Variants in NDFIP2 observed in about 807,000 individuals in gnomAD.
NDFIP2 encodes the protein Nedd4 family interacting protein 2.
A neutral mutation model predicts 36.0 loss-of-function variants in NDFIP2; 19 were observed. That is an observed-to-expected ratio of 0.53 (90% CI 0.37 to 0.77). The LOEUF (loss-of-function observed/expected upper bound fraction) is 0.77. Ranked by LOEUF, NDFIP2 falls within the 30% of genes least tolerant of loss-of-function variation. The pLI is 0.00. For missense variants in NDFIP2, 446 were observed against 435.8 expected (o/e 1.02, Z -0.21); for synonymous variants, 181 against 167.7 (o/e 1.08, Z -0.61).
chr13:79,497,771 C>T (rs1873494090), intron 1 of NDFIP2, among the ~76,000 whole-genome samples: 1 of 144,260 alleles, frequency 6.9e-6, no homozygotes, highest in Admixed American at 7.1e-5. Flanking sequence ...CTTCCATGCC[C>T]ATTTAAATCC....
At chr13:79,486,948 A>G (rs1006765226) in intron 1 of NDFIP2, among the ~76,000 whole-genome samples, 1 of 152,156 alleles carries the variant, frequency 6.6e-6, no homozygotes, top group African/African-American at 2.4e-5. Context: ...TTGTGTAAGT[A>G]CGCTCTCTGA....
intron 2 of NDFIP2, among the ~76,000 whole-genome samples, chr13:79,524,399 G>A (rs958687135): frequency 3.9e-5 from 6 of 152,164 alleles, no homozygotes; most frequent in Non-Finnish European, 2.9e-5. Flanking sequence ...GAATGTTACT[G>A]CATCAGCAAT....
At chr13:79,518,120 G>A (rs73551596) in intron 1 of NDFIP2, among the ~76,000 whole-genome samples, 10,160 of 152,158 alleles carry the variant, frequency 0.067, 712 homozygotes, top group African/African-American at 0.17. Context: ...ATTCTCCTGG[G>A]TACCATGTAG....
At chr13:79,503,628 G>T (rs1024275338) in intron 1 of NDFIP2, among the ~76,000 whole-genome samples, 1 of 152,176 alleles carries the variant, frequency 6.6e-6, no homozygotes, top group South Asian at 2.1e-4. Flanking sequence ...TTCTGTCAGA[G>T]GGTAGAGAAC....
At chr13:79,494,962 T>C (rs2140737773) in intron 1 of NDFIP2, among the ~76,000 whole-genome samples, 1 of 152,090 alleles carries the variant, frequency 6.6e-6, no homozygotes, top group African/African-American at 2.4e-5. Context: ...TTGGCTTTGT[T>C]AAATTTCTGT....
chr13:79,510,409 T>C (rs1874040902), intron 1 of NDFIP2, among the ~76,000 whole-genome samples: 1 of 151,864 alleles, frequency 6.6e-6, no homozygotes, highest in South Asian at 2.1e-4. Flanking sequence ...CCTTTTTACT[T>C]TTGGCTGTGT....
At chr13:79,534,680 C>T (rs931841841) in intron 3 of NDFIP2, among the ~76,000 whole-genome samples, 16 of 151,824 alleles carry the variant, frequency 1.1e-4, no homozygotes, top group South Asian at 2.1e-4. Context: ...CCATTTTGTT[C>T]GGGAAAAAGA....
chr13:79,497,601 A>G (rs1281339400), intron 1 of NDFIP2, among the ~76,000 whole-genome samples: 2 of 148,994 alleles, frequency 1.3e-5, no homozygotes, highest in Non-Finnish European at 3.0e-5. Context: ...TCCGTTGGGA[A>G]GGTTGGACTG....
At position 79,555,685 on chromosome 13, in the gene NDFIP2, TTTA is replaced by T. The variant is rs1450809435; in HGVS notation, c.*3178_*3180del. 6.6e-5 allele frequency: 10 copies of T among 152,148 alleles called. No homozygotes were observed. Among genetic ancestry groups the T allele is most frequent in the Admixed American group, 3.3e-4 (5 of 15,268 alleles). The allele number at this position is 152,148 out of a possible 1,614,324, so 9.4% of individuals were successfully genotyped here. On this transcript the variant is annotated 3_prime_UTR_variant, in exon 8 of 8. Coordinates refer to ENST00000218652, the MANE Select transcript of NDFIP2 (RefSeq NM_019080.3). Reference sequence around the variant, plus strand: ...ATGTTATTTTAGCATTTATTAGTTGTTTATTATTTAATTCTTCAAATAGTCATA... The same window carrying T: ...ATGTTATTTTAGCATTTATTAGTTGTTTATTTAATTCTTCAAATAGTCATA...
Position 79,481,311 on chromosome 13 carries a change from C to A in NDFIP2, c.108C>A (p.Val36=). The change falls in exon 1 of 8, where the codon GTC becomes GTA. Residue 36 remains valine (V), a synonymous_variant. Coordinates refer to ENST00000218652, the MANE Select transcript of NDFIP2 (RefSeq NM_019080.3). ...GCGGAACCGCGACCAACGCGGAGGTCTCGGCGGCCGCTGCGGGAGCCACAG... is the reference window on the plus strand; with the variant it reads ...GCGGAACCGCGACCAACGCGGAGGTATCGGCGGCCGCTGCGGGAGCCACAG... The part of the protein sequence containing the change: ...LLRGTATNAE[V]SAAAAGATGS... 2 of 1,542,370 alleles carry A rather than the reference C, an allele frequency of 1.3e-6. No individual in the cohort carries two copies. Among genetic ancestry groups the A allele is most frequent in the Non-Finnish European group, 1.7e-6 (2 of 1,146,632 alleles).
In NDFIP2 at chr13:79,502,929, TATAC is replaced by T. The variant is rs1488041307; in HGVS notation, c.322-17879_322-17876del. ...TCTTTGAAGTATGGTGTGAATAGAATATACACGTGGGTAGGGAGAAAGAAGTCAG... is the reference window on the plus strand; with the variant it reads ...TCTTTGAAGTATGGTGTGAATAGAATACGTGGGTAGGGAGAAAGAAGTCAG... On this transcript the variant is annotated intron_variant, in intron 1 of 7. Coordinates refer to ENST00000218652, the MANE Select transcript of NDFIP2 (RefSeq NM_019080.3). 2.0e-5 allele frequency among the ~76,000 whole-genome samples: 3 copies of T among 150,772 alleles called. No individual in the cohort carries two copies. In the East Asian group the frequency reaches 5.8e-4, roughly 29 times the overall value.
At chr13:79,533,266 T>C (rs1418053264) in intron 2 of NDFIP2, 57 bp from the exon 3 acceptor site, 2 of 1,543,528 alleles carry the variant, frequency 1.3e-6, no homozygotes, top group African/African-American at 2.8e-5. Flanking sequence ...AAGTCATGGC[T>C]ATGGCTACAA....
At chr13:79,501,394 G>A (rs1873660993) in intron 1 of NDFIP2, among the ~76,000 whole-genome samples, 1 of 152,024 alleles carries the variant, frequency 6.6e-6, no homozygotes, top group Non-Finnish European at 1.5e-5. Flanking sequence ...GGGAGGCTTT[G>A]CCTGTGTTGG....
intron 1 of NDFIP2, among the ~76,000 whole-genome samples, chr13:79,488,664 A>T (rs1873111699): frequency 6.6e-6 from 1 of 152,280 alleles, no homozygotes; most frequent in Non-Finnish European, 1.5e-5. Context: ...CATTCATCTG[A>T]TATATAATAG....
At chr13:79,546,525 A>T (rs1212339444) in intron 5 of NDFIP2, among the ~76,000 whole-genome samples, 1 of 152,162 alleles carries the variant, frequency 6.6e-6, no homozygotes, top group South Asian at 2.1e-4. Flanking sequence ...TGGCCAATCA[A>T]CATGATTGGT....
At chr13:79,531,456 A>G (rs1252587043) in intron 2 of NDFIP2, among the ~76,000 whole-genome samples, 1 of 152,194 alleles carries the variant, frequency 6.6e-6, no homozygotes, top group Non-Finnish European at 1.5e-5. Context: ...CTCTCTAGCT[A>G]TGAAAGTCCT....
At chr13:79,533,016 ACT>A (rs1193391415) in intron 2 of NDFIP2, among the ~76,000 whole-genome samples, 1 of 152,164 alleles carries the variant, frequency 6.6e-6, no homozygotes, top group Non-Finnish European at 1.5e-5. Flanking sequence ...CATAGAGAAT[ACT>A]CATATATTAT....
At chr13:79,522,678 A>C (rs1874632295) in intron 2 of NDFIP2, among the ~76,000 whole-genome samples, 1 of 152,146 alleles carries the variant, frequency 6.6e-6, no homozygotes, top group South Asian at 2.1e-4. Flanking sequence ...TTCAGCTAGG[A>C]CCACAGCTGG....
chr13:79,555,330 T>C lies in NDFIP2; in HGVS notation c.*2817T>C, dbSNP rs1302846715. On this transcript the variant is annotated 3_prime_UTR_variant, in exon 8 of 8. Transcript: ENST00000218652. ...ACTAAGGTAATATATATCCTTAGTT[T>C]GCTCAAAAGAGTCCTGGTTATTCCT... 4 of 150,818 alleles carry C rather than the reference T, an allele frequency of 2.7e-5. No homozygotes were observed. The highest frequency in any genetic ancestry group is 1.9e-4 in the East Asian group (1 of 5,146). 9.3% of individuals were successfully genotyped at this position (150,818 alleles called of 1,614,324 possible). A position where few individuals can be genotyped will look rare whatever the true frequency, so the allele number is the denominator to read the frequency against.
Sources: allele counts gnomAD v4.1 joint callset (sites outside exome capture counted in the v4.1 genomes callset), GRCh38; gene constraint gnomAD v4.1.1; transcripts MANE v1.5; gene names NCBI Gene and HGNC (gene_info 2026-07-23, HGNC 2026-07-21).